ISM2: variants seen among roughly 807,000 people sequenced by gnomAD.
The protein encoded by ISM2 is isthmin-2.
Under a neutral mutation model 58.0 loss-of-function variants are expected in ISM2, and 50 were observed. The observed-to-expected ratio is 0.86, with a 90% confidence interval of 0.69 to 1.09. The LOEUF (loss-of-function observed/expected upper bound fraction) is 1.09. ISM2 is among the 50% of genes least tolerant of loss of function. ISM2 has a pLI of 0.00. For missense variants in ISM2, 723 were observed against 745.0 expected (o/e 0.97, Z 0.34); for synonymous variants, 303 against 312.4 (o/e 0.97, Z 0.32).
chr14:77,488,658 G>T (rs1483042172), intron 1 of ISM2, among the ~76,000 whole-genome samples: 1 of 152,180 alleles, frequency 6.6e-6, no homozygotes, highest in Non-Finnish European at 1.5e-5. Flanking sequence ...TGTTGAATTA[G>T]AATAGTACCT....
intron 5 of ISM2, 73 bp downstream of exon 5, chr14:77,478,502 C>A: frequency 6.4e-7 from 1 of 1,566,786 alleles, no homozygotes; most frequent in Middle Eastern, 2.0e-4. Context: ...AGCCCACCCA[C>A]ATTCCCAGGG....
rs761314866 is a variant in ISM2 at position 77,475,816 on chromosome 14, G to A, written c.1495C>T (p.Arg499Trp). 1.9e-5 allele frequency: 30 copies of A among 1,612,726 alleles called. No individual in the cohort carries two copies. The highest frequency in any genetic ancestry group is 1.9e-5 in the Non-Finnish European group (23 of 1,179,736). ...AQHCCYDEDS[R>W]LLTRGKGAGM... The stretch of plus-strand genomic sequence containing the variant: ...GCGCCCTTGCCACGGGTCAGCAGCC[G>A]GCTGTCCTCGTCATAGCAGCAGTGC... The change falls in exon 7 of 7, where the codon CGG (arginine) becomes TGG (tryptophan). Residue 499 changes from arginine to tryptophan, a missense_variant. Physicochemically the swap from Arg to Trp is moderately radical, Grantham distance 101. Coordinates refer to ENST00000342219, the MANE Select transcript of ISM2 (RefSeq NM_199296.3). The surrounding 1 kb of genome is among the most constrained non-coding windows in gnomAD (Gnocchi z 4.1).
intron 4 of ISM2, 125 bp downstream of exon 4, chr14:77,482,197 C>A (rs923266885): frequency 4.7e-6 from 3 of 634,306 alleles, no homozygotes; most frequent in African/African-American, 1.9e-5. Flanking sequence ...GGTGTTTGAA[C>A]AAGGCCTAAG....
intron 4 of ISM2, among the ~76,000 whole-genome samples, chr14:77,480,302 C>CAAAA (rs34339320): frequency 8.1e-6 from 1 of 123,462 alleles, no homozygotes; most frequent in Non-Finnish European, 1.7e-5. Flanking sequence ...GACACTGTCT[C>CAAAA]AAAAAAAAAA....
intron 4 of ISM2, among the ~76,000 whole-genome samples, chr14:77,481,847 C>A (rs1365048932): frequency 6.6e-6 from 1 of 151,000 alleles, no homozygotes; most frequent in African/African-American, 2.4e-5. Context: ...TGCCTGTAAT[C>A]CCAGCACTTT....
intron 2 of ISM2, 53 bp from the exon 3 acceptor site, chr14:77,484,618 G>A (rs1362503950): frequency 3.7e-6 from 6 of 1,607,018 alleles, no homozygotes; most frequent in South Asian, 1.1e-5. Flanking sequence ...ACCCAACAGG[G>A]ACCCAGAAAA....
chr14:77,491,333 G>A (rs1004985774), intron 1 of ISM2, among the ~76,000 whole-genome samples: 1 of 152,238 alleles, frequency 6.6e-6, no homozygotes, highest in Non-Finnish European at 1.5e-5. Flanking sequence ...CCCGCTCCAG[G>A]TGGGACAGTC....
rs2079095766 is a variant in ISM2, at chr14:77,475,965, T to C, written c.1346A>G (p.Gln449Arg). The C allele has an allele frequency of 1.9e-6, 3 of 1,597,496 alleles. No individual in the cohort carries two copies. The African/African-American group carries it at 4.0e-5, about 21-fold the overall frequency. ...DSPVSLQDEH[Q>R]GRSFRWRDAS... is the part of the protein sequence containing the mutation. ...ATCCCTCCACCGGAAGCTGCGGCCC[T>C]GGTGCTCGTCCTGTAGGCTCACAGG... The change falls in exon 7 of 7, where the codon CAG becomes CGG. Residue 449 changes from glutamine to arginine, a missense_variant. Coordinates refer to ENST00000342219, the MANE Select transcript of ISM2 (RefSeq NM_199296.3). The surrounding 1 kb of genome is among the most constrained non-coding windows in gnomAD (Gnocchi z 4.1).
chr14:77,476,103 C>A lies in ISM2; in HGVS notation c.1208G>T (p.Ser403Ile), dbSNP rs1566752137. ...ATDMHDQDVDSCEKWLNCKSD... is the reference protein window; with the variant it reads ...ATDMHDQDVDICEKWLNCKSD... ...CTTGCAGTTCAGCCACTTCTCACAG[C>A]TGTCCACATCTGCAAAGGGCCACAA... The change falls in exon 7 of 7, where the codon AGC (serine) becomes ATC (isoleucine). Residue 403 changes from serine to isoleucine, a missense_variant. Transcript: ENST00000342219. 2 of 1,517,566 alleles carry A rather than the reference C, an allele frequency of 1.3e-6. No homozygotes were observed. The highest frequency in any genetic ancestry group is 1.8e-6 in the Non-Finnish European group (2 of 1,137,336). The allele number at this position is 1,517,566 out of a possible 1,614,324, so 94.0% of individuals were successfully genotyped here.
chr14:77,493,240 C>A (rs1200136283), intron 1 of ISM2, among the ~76,000 whole-genome samples: 27 of 152,138 alleles, frequency 1.8e-4, no homozygotes. Flanking sequence ...AAGTGATCCA[C>A]CTGCCTTGGC....
At chr14:77,480,968 C>T (rs1000086317) in intron 4 of ISM2, among the ~76,000 whole-genome samples, 4 of 152,156 alleles carry the variant, frequency 2.6e-5, no homozygotes, top group Non-Finnish European at 5.9e-5. Context: ...CACCAGGGCT[C>T]CAAGGGGAAT....
intron 5 of ISM2, 74 bp from the exon 6 acceptor site, chr14:77,478,399 C>A (rs951139204): frequency 5.5e-6 from 8 of 1,465,868 alleles, no homozygotes; most frequent in East Asian, 2.3e-5. Flanking sequence ...AACCCCCCCA[C>A]CTCAATAGGC....
chr14:77,482,739 G>A (rs2079140740), intron 3 of ISM2, 72 bp from the exon 4 acceptor site: 3 of 968,132 alleles, frequency 3.1e-6, no homozygotes, highest in Admixed American at 4.7e-5. Context: ...GAGGGATGAT[G>A]GGGTCAGGGT....
chr14:77,498,730 CCAGCAGCGCCGCCAG>C lies in ISM2; in HGVS notation c.49_63del (p.Leu17_Leu21del). 1 of 1,483,016 alleles carries C rather than the reference CCAGCAGCGCCGCCAG, an allele frequency of 6.7e-7. No homozygotes were observed. Among genetic ancestry groups the C allele is most frequent in the Non-Finnish European group, 8.9e-7 (1 of 1,125,242 alleles). The allele number at this position is 1,483,016 out of a possible 1,614,324, so 91.9% of individuals were successfully genotyped here. A position where few individuals can be genotyped will look rare whatever the true frequency, so the allele number is the denominator to read the frequency against. ...TTCACGGGGAGCCCTAGCGCCGCCT[CCAGCAGCGCCGCCAG>C]CAGCAGCACGCAGAGGAGGAGCCCG... On this transcript the variant is annotated inframe_deletion, in exon 1 of 7. Coordinates refer to ENST00000342219, the MANE Select transcript of ISM2 (RefSeq NM_199296.3).
At chr14:77,494,020 G>A (rs563771929) in intron 1 of ISM2, among the ~76,000 whole-genome samples, 14 of 148,482 alleles carry the variant, frequency 9.4e-5, no homozygotes, top group East Asian at 4.1e-4. Flanking sequence ...CTTGTGATCC[G>A]CCCGCCTCGG....
intron 3 of ISM2, 173 bp downstream of exon 3, chr14:77,484,150 G>T (rs2079150760): frequency 2.6e-6 from 2 of 767,280 alleles, no homozygotes; most frequent in Non-Finnish European, 4.2e-6. Context: ...AAGTAGAGGG[G>T]CAGGTCCTCT....
Position 77,482,375 on chromosome 14 carries a change from T to G in ISM2, c.920A>C (p.Asp307Ala). The stretch of plus-strand genomic sequence containing the variant: ...ATCCCCGGGGGCCAGCCAGCCCTGG[T>G]CCCAGTTGTCTGTAGTTCCATTGAA... ...LWFNGTTDNW[D>A]QGWLAPGDWV... Residue 307 changes from aspartate to alanine, a missense_variant, in exon 4 of 7, where the codon GAC (aspartate) becomes GCC (alanine). Asp to Ala is a moderately radical substitution (Grantham distance 126, BLOSUM62 -2). Transcript: ENST00000342219. 1 of 1,614,136 alleles carries G rather than the reference T, an allele frequency of 6.2e-7. No homozygotes were observed. Among genetic ancestry groups the G allele is most frequent in the Non-Finnish European group, 8.5e-7 (1 of 1,180,014 alleles).
chr14:77,475,983 C>T lies in ISM2; in HGVS notation c.1328G>A (p.Ser443Asn). The change falls in exon 7 of 7, where the codon AGC becomes AAC. Residue 443 changes from serine to asparagine, a missense_variant. Physicochemically the swap from Ser to Asn is conservative, Grantham distance 46. Coordinates refer to ENST00000342219, the MANE Select transcript of ISM2 (RefSeq NM_199296.3). The surrounding 1 kb of genome is among the most constrained non-coding windows in gnomAD (Gnocchi z 4.1). ...YPLEAMDSPV[S>N]LQDEHQGRSF... is the part of the protein sequence containing the mutation. Reference sequence around the variant, plus strand: ...GCGGCCCTGGTGCTCGTCCTGTAGGCTCACAGGGCTGTCCATGGCCTCCAG... The same window carrying T: ...GCGGCCCTGGTGCTCGTCCTGTAGGTTCACAGGGCTGTCCATGGCCTCCAG... 6.3e-7 allele frequency: 1 copy of T among 1,593,848 alleles called. No individual in the cohort carries two copies. The highest frequency in any genetic ancestry group is 1.1e-5 in the South Asian group (1 of 90,622).
intron 1 of ISM2, among the ~76,000 whole-genome samples, chr14:77,490,517 G>A (rs1303243174): frequency 6.6e-6 from 1 of 152,216 alleles, no homozygotes; most frequent in African/African-American, 2.4e-5. Context: ...GAGAGGTAAC[G>A]TAACTTGCCT....
Sources: gnomAD v4.1 joint callset for allele counts (sites outside exome capture counted in the v4.1 genomes callset) on GRCh38, gnomAD v4.1.1 for gene constraint, Gnocchi (gnomAD v3.1) non-coding constraint, MANE v1.5 for transcripts, NCBI Gene and HGNC (gene_info 2026-07-23, HGNC 2026-07-21) for gene names.